Variants in CUBN observed in about 807,000 individuals in gnomAD.
CUBN encodes 460 kDa receptor.
CUBN carries 282 observed loss-of-function variants against 405.3 expected under a neutral mutation model. That is an observed-to-expected ratio of 0.70 (90% confidence interval 0.63 to 0.77). The LOEUF (loss-of-function observed/expected upper bound fraction) is 0.77. CUBN is among the 30% of genes least tolerant of loss of function. The probability of loss-of-function intolerance (pLI) is 0.00; values close to 1 mark genes in which losing one functional copy is unlikely to be tolerated. For synonymous variants in CUBN, 1,684 were observed against 1,617.0 expected, an observed-to-expected ratio of 1.04 and a Z score of -0.99; for missense variants, 4,514 against 4,475.2, an observed-to-expected ratio of 1.01 and a Z score of -0.25.
intron 31 of CUBN, among the ~76,000 whole-genome samples, chr10:16,975,729 C>T (rs1044334187): frequency 1.4e-5 from 2 of 144,862 alleles, no homozygotes; most frequent in Non-Finnish European, 3.0e-5. Context: ...CTCCTGGGTT[C>T]AAGCGATTCT....
intron 31 of CUBN, among the ~76,000 whole-genome samples, chr10:16,967,952 A>C (rs891368765): frequency 1.1e-4 from 16 of 148,462 alleles, no homozygotes; most frequent in Admixed American, 7.5e-4. Context: ...GAAGAGGGAA[A>C]GAAAGAGGGA....
intron 28 of CUBN, among the ~76,000 whole-genome samples, chr10:17,005,520 C>T (rs59888122): frequency 0.054 from 8,151 of 152,250 alleles, 777 homozygotes; most frequent in African/African-American, 0.19. Context: ...TGTGCCCTCA[C>T]ACCTTGCTGC....
Position 16,856,495 on chromosome 10 carries a change from TTA to T in CUBN, c.9455-5054_9455-5053del, listed in dbSNP as rs796694892. ...TAAAAATCGGTAACCGAATCCTGAA[TTA>T]TTACCTTCCAATGACTAAACCTCAG... On this transcript the variant is annotated intron_variant, in intron 59 of 66. Transcript: ENST00000377833. 6.6e-5 allele frequency among the ~76,000 whole-genome samples: 10 copies of T among 152,316 alleles called. 1 individual carries two copies. In the South Asian group the frequency reaches 2.1e-3, roughly 32 times the overall value.
intron 38 of CUBN, among the ~76,000 whole-genome samples, 172 bp downstream of exon 38, chr10:16,938,791 A>G (rs1437175274): frequency 6.6e-6 from 1 of 152,170 alleles, no homozygotes; most frequent in Non-Finnish European, 1.5e-5. Context: ...AATAAATACA[A>G]TACTGAAATT....
At chr10:17,128,258 T>G (rs1264019128) in intron 2 of CUBN, among the ~76,000 whole-genome samples, 1 of 152,198 alleles carries the variant, frequency 6.6e-6, no homozygotes, top group Non-Finnish European at 1.5e-5. Context: ...ATTGCTGTCC[T>G]GGGCAAGTTA....
At chr10:17,099,463 G>T (rs1452138547) in intron 14 of CUBN, among the ~76,000 whole-genome samples, 1 of 152,136 alleles carries the variant, frequency 6.6e-6, no homozygotes. Context: ...GACCAACTAA[G>T]ACTCATGTTT....
rs1477404337 is a variant in CUBN, at chr10:16,918,637, C to T, written c.6985G>A (p.Ala2329Thr). 1 of 1,613,462 alleles carries T rather than the reference C, an allele frequency of 6.2e-7. No individual in the cohort carries two copies. The highest frequency in any genetic ancestry group is 1.3e-5 in the African/African-American group (1 of 74,890). The change falls in exon 45 of 67, where the codon GCC becomes ACC. Residue 2329 changes from alanine (A) to threonine (T), a missense_variant. By Grantham distance (58) the Ala-to-Thr change is moderately conservative. Transcript: ENST00000377833. ...DNSPTHVGFK[A>T]KYSIAQCGGR... ...AAATTATTACCTATAGAATACTTGG[C>T]CTTGAATCCCACATGTGTGGGGCTG...
At chr10:17,083,228 G>T (rs187073392) in intron 17 of CUBN, among the ~76,000 whole-genome samples, 2 of 152,014 alleles carry the variant, frequency 1.3e-5, no homozygotes, top group African/African-American at 4.8e-5. Flanking sequence ...AATGCAGGCC[G>T]GTTGCAGTAG....
chr10:16,836,483 A>G, intron 62 of CUBN, 101 bp from the exon 63 acceptor site: 1 of 1,172,734 alleles, frequency 8.5e-7, no homozygotes, highest in Non-Finnish European at 1.3e-6. Context: ...GTAAATATTT[A>G]GCCATGGAAA....
intron 28 of CUBN, among the ~76,000 whole-genome samples, chr10:17,012,326 A>C (rs1834208380): frequency 6.6e-6 from 1 of 152,206 alleles, no homozygotes; most frequent in Non-Finnish European, 1.5e-5. Context: ...CTGATATCAG[A>C]AGCTTTTTCC....
At chr10:17,033,164 G>A (rs1256218213) in intron 27 of CUBN, among the ~76,000 whole-genome samples, 1 of 152,114 alleles carries the variant, frequency 6.6e-6, no homozygotes, top group Non-Finnish European at 1.5e-5. Flanking sequence ...AACTCTTAAT[G>A]TGCCCACCCT....
rs528504884 is a variant in CUBN, at chr10:16,849,880, A to C, written c.9663+1355T>G. 4.2e-4 allele frequency among the ~76,000 whole-genome samples: 62 copies of C among 148,736 alleles called. No individual in the cohort carries two copies. In the South Asian group the frequency reaches 0.012, roughly 28 times the overall value. On this transcript the variant is annotated intron_variant, in intron 60 of 66. Transcript: ENST00000377833. ...CTCACTCATTGGAAAACCTTCAACC[A>C]CTCCTTATTTTCACCCGCACAGAGT...
At chr10:17,087,696 A>G (rs1564510529) in intron 15 of CUBN, among the ~76,000 whole-genome samples, 1 of 151,784 alleles carries the variant, frequency 6.6e-6, no homozygotes, top group Non-Finnish European at 1.5e-5. Context: ...GGCTGTCTCC[A>G]ACTCCTAACC....
chr10:16,906,175 G>A (rs376735706), intron 50 of CUBN, 28 bp downstream of exon 50: 2 of 1,478,108 alleles, frequency 1.4e-6, no homozygotes, highest in East Asian at 2.3e-5. Flanking sequence ...TAGATAAATG[G>A]GAAAACGCAT....
At chr10:16,881,493 G>A (rs1840664532) in intron 56 of CUBN, among the ~76,000 whole-genome samples, 1 of 152,212 alleles carries the variant, frequency 6.6e-6, no homozygotes, top group Admixed American at 6.5e-5. Context: ...AAGGAAGTTT[G>A]TTGGGGAAAT....
chr10:16,917,981 A>C (rs369449334), intron 45 of CUBN, among the ~76,000 whole-genome samples: 2 of 152,274 alleles, frequency 1.3e-5, no homozygotes, highest in South Asian at 2.1e-4. Context: ...TGATATAAGG[A>C]AGGGGTACAG....
chr10:17,095,265 C>T (rs1217724476), intron 14 of CUBN, among the ~76,000 whole-genome samples: 4 of 151,928 alleles, frequency 2.6e-5, no homozygotes, highest in African/African-American at 9.7e-5. Flanking sequence ...AAATTAAAGA[C>T]TTAAACATAA....
At chr10:17,118,498 G>A (rs1359150809) in intron 6 of CUBN, among the ~76,000 whole-genome samples, 2 of 152,140 alleles carry the variant, frequency 1.3e-5, no homozygotes, top group African/African-American at 4.8e-5. Context: ...GTGCAGTGGT[G>A]CGATCTCGGC....
chr10:17,002,339 G>A (rs1186512565), intron 28 of CUBN, among the ~76,000 whole-genome samples: 1 of 152,214 alleles, frequency 6.6e-6, no homozygotes, highest in East Asian at 1.9e-4. Context: ...TGTTGCCAGG[G>A]AACCAGAACA....
Sources: allele counts gnomAD v4.1 joint callset (sites outside exome capture counted in the v4.1 genomes callset), GRCh38; gene constraint gnomAD v4.1.1; transcripts MANE v1.5; gene names NCBI Gene and HGNC (gene_info 2026-07-23, HGNC 2026-07-21).